Variants in SPECC1 observed in about 807,000 individuals in gnomAD.
The protein encoded by SPECC1 is cytospin-B.
In SPECC1, 62 loss-of-function variants were observed where a neutral mutation model predicts 104.1. That is an observed-to-expected ratio of 0.60 (90% CI 0.49 to 0.74). SPECC1 has a LOEUF of 0.74. Ranked by LOEUF, SPECC1 falls within the 30% of genes least tolerant of loss-of-function variation. The probability of loss-of-function intolerance (pLI) is 0.00; values close to 1 mark genes in which losing one functional copy is unlikely to be tolerated. For synonymous variants in SPECC1, 513 were observed against 501.6 expected (o/e 1.02, Z -0.30); for missense variants, 1,306 against 1,310.5 (o/e 1.00, Z 0.05).
intron 1 of SPECC1, among the ~76,000 whole-genome samples, chr17:20,032,960 A>G (rs1158488906): frequency 6.6e-6 from 1 of 151,264 alleles, no homozygotes; most frequent in Non-Finnish European, 1.5e-5. Flanking sequence ...ACACATATAT[A>G]TATGTATATT....
intron 12 of SPECC1, among the ~76,000 whole-genome samples, chr17:20,286,089 G>A (rs2040935526): frequency 6.6e-6 from 1 of 152,112 alleles, no homozygotes; most frequent in South Asian, 2.1e-4. Context: ...TGGGATTTGT[G>A]AGCCATCGCA....
chr17:20,184,130 G>C (rs917555100), intron 3 of SPECC1, among the ~76,000 whole-genome samples: 2 of 147,262 alleles, frequency 1.4e-5, no homozygotes, highest in Non-Finnish European at 3.0e-5. Flanking sequence ...GCAGTGAGCT[G>C]AGATTGTGCC....
chr17:20,300,568 C>T (rs967480286), intron 13 of SPECC1, among the ~76,000 whole-genome samples: 1 of 152,216 alleles, frequency 6.6e-6, no homozygotes, highest in Admixed American at 6.5e-5. Context: ...ATCAGCATGG[C>T]TGTATTGGAA....
chr17:20,059,883 CAAAA>C (rs1205400877), intron 1 of SPECC1, among the ~76,000 whole-genome samples: 2 of 152,070 alleles, frequency 1.3e-5, no homozygotes, highest in African/African-American at 4.8e-5. Flanking sequence ...CAAAACAAAG[CAAAA>C]CAAACATGAG....
At chr17:20,237,526 G>T (rs2038989506) in intron 7 of SPECC1, 3 of 193,938 alleles carry the variant, frequency 1.5e-5, no homozygotes, top group Non-Finnish European at 3.2e-5. Flanking sequence ...TGTTGGCCAG[G>T]CTGCTCTTGA....
rs1386022884 is a variant in SPECC1, at chr17:20,112,739, G to A, written c.283+2177G>A. The stretch of plus-strand genomic sequence containing the variant: ...TTCCGGTCTTAAAGCCAATTTAGAA[G>A]GTGCTAACCTGAAAGGTGTGGATAT... On this transcript the variant is annotated intron_variant, in intron 3 of 14. Coordinates refer to ENST00000395527, the MANE Select transcript of SPECC1 (RefSeq NM_001243439.2). 3 of 1,211,388 alleles carry A rather than the reference G, an allele frequency of 2.5e-6. No individual in the cohort carries two copies. The African/African-American group carries it at 4.5e-5, about 18-fold the overall frequency. The allele number at this position is 1,211,388 out of a possible 1,614,324, so 75.0% of individuals were successfully genotyped here.
intron 2 of SPECC1, among the ~76,000 whole-genome samples, chr17:20,104,453 C>G (rs1004605507): frequency 2.0e-5 from 3 of 152,036 alleles, no homozygotes; most frequent in African/African-American, 7.2e-5. Flanking sequence ...TTCAAATTCT[C>G]TTTTGTTGGC....
At chr17:20,025,283 A>T (rs879581701) in intron 1 of SPECC1, among the ~76,000 whole-genome samples, 3 of 152,218 alleles carry the variant, frequency 2.0e-5, no homozygotes, top group African/African-American at 4.8e-5. Context: ...TCAGAGTCCT[A>T]GTCTCCAGAA....
rs146448410 is a variant in SPECC1 at position 20,183,885 on chromosome 17, T to C, written c.284-20448T>C. On this transcript the variant is annotated intron_variant, in intron 3 of 14. Transcript: ENST00000395527. ...ATGAAATTTTATTAAATAAGAATGA[T>C]GTCAACCGGGCGTGGTGGCTCACGC... Among the ~76,000 whole-genome samples the C allele has an allele frequency of 6.7e-3, 1,025 of 152,096 alleles. 11 individuals carry two copies. The highest frequency in any genetic ancestry group is 0.024 in the African/African-American group (976 of 41,490).
chr17:20,161,466 G>A (rs556262027), intron 3 of SPECC1, among the ~76,000 whole-genome samples: 1 of 151,718 alleles, frequency 6.6e-6, no homozygotes, highest in South Asian at 2.1e-4. Flanking sequence ...ATCATTTATA[G>A]GTTAATTCTA....
intron 7 of SPECC1, chr17:20,238,240 C>T (rs543314056): frequency 9.6e-7 from 1 of 1,039,858 alleles, no homozygotes; most frequent in African/African-American, 1.7e-5. Flanking sequence ...TAATGGAAAA[C>T]GATTGAATGA....
At chr17:20,297,464 C>T (rs531433672) in intron 13 of SPECC1, among the ~76,000 whole-genome samples, 1 of 152,254 alleles carries the variant, frequency 6.6e-6, no homozygotes, top group East Asian at 1.9e-4. Context: ...ATTAAGAAAT[C>T]TATGTGACTG....
chr17:20,258,084 G>A (rs1253818678), intron 11 of SPECC1, among the ~76,000 whole-genome samples: 1 of 152,188 alleles, frequency 6.6e-6, no homozygotes, highest in African/African-American at 2.4e-5. Context: ...AGGGCATATT[G>A]TAAGTAGTCT....
chr17:20,187,305 G>A (rs1190830161), intron 3 of SPECC1, among the ~76,000 whole-genome samples: 1 of 152,136 alleles, frequency 6.6e-6, no homozygotes, highest in African/African-American at 2.4e-5. Context: ...TCTTCTCCCA[G>A]GAATTCTCTT....
chr17:20,093,733 GTTTTTTT>G (rs10578540), intron 1 of SPECC1, among the ~76,000 whole-genome samples: 8 of 129,760 alleles, frequency 6.2e-5, no homozygotes, highest in African/African-American at 2.3e-4. Context: ...TTTGTTTTTT[GTTTTTTT>G]TTTTTTTGGA....
intron 3 of SPECC1, among the ~76,000 whole-genome samples, chr17:20,196,570 C>T (rs941795077): frequency 2.6e-5 from 4 of 152,242 alleles, no homozygotes; most frequent in South Asian, 2.1e-4. Flanking sequence ...ACGACTTACA[C>T]AGACCATCTG....
intron 12 of SPECC1, among the ~76,000 whole-genome samples, chr17:20,263,033 A>G (rs193209181): frequency 1.4e-3 from 213 of 151,692 alleles, no homozygotes; most frequent in Non-Finnish European, 6.2e-4. Context: ...GACCAATAAT[A>G]GAGGCTCCCA....
intron 14 of SPECC1, among the ~76,000 whole-genome samples, chr17:20,309,373 CAT>C (rs1407895993): frequency 1.3e-5 from 2 of 152,098 alleles, no homozygotes; most frequent in African/African-American, 4.8e-5. Context: ...TGGGGTATAA[CAT>C]ATTAGGATGA....
At chr17:20,117,517 T>C (rs867648790) in intron 3 of SPECC1, among the ~76,000 whole-genome samples, 10 of 152,018 alleles carry the variant, frequency 6.6e-5, no homozygotes, top group African/African-American at 2.4e-4. Context: ...CCAGATGTGG[T>C]GGCTCATGCC....
Sources: allele counts gnomAD v4.1 joint callset (sites outside exome capture counted in the v4.1 genomes callset), GRCh38; gene constraint gnomAD v4.1.1; transcripts MANE v1.5; gene names NCBI Gene and HGNC (gene_info 2026-07-23, HGNC 2026-07-21).